The following THADA variants were observed in gnomAD, a reference collection of about 807,000 sequenced individuals.
The protein encoded by THADA is tRNA (32-2'-O)-methyltransferase regulator THADA.
THADA carries 213 observed loss-of-function variants against 219.8 expected under a neutral mutation model. That is an observed-to-expected ratio of 0.97 (90% confidence interval 0.87 to 1.09). The LOEUF (loss-of-function observed/expected upper bound fraction) is 1.09, where lower values mean the gene tolerates loss of function less well. Ranked by LOEUF, THADA falls within the 50% of genes least tolerant of loss-of-function variation. THADA has a pLI of 0.00. For missense variants in THADA, 2,956 were observed against 2,311.3 expected (o/e 1.28, Z -5.72); for synonymous variants, 1,018 against 828.9 (o/e 1.23, Z -3.92).
chr2:43,442,730 T>A (rs925126000), intron 26 of THADA, among the ~76,000 whole-genome samples: 2 of 152,176 alleles, frequency 1.3e-5, no homozygotes, highest in Non-Finnish European at 2.9e-5. Context: ...AGAAACATGG[T>A]GACCCCATGG....
At chr2:43,463,613 AAGCTATTTTGCTTACTGT>A (rs1683888920) in intron 26 of THADA, among the ~76,000 whole-genome samples, 1 of 152,232 alleles carries the variant, frequency 6.6e-6, no homozygotes, top group African/African-American at 2.4e-5. Context: ...CAGTGAACTT[AAGCTATTTTGCTTACTGT>A]TCTGGAATTT....
intron 29 of THADA, among the ~76,000 whole-genome samples, chr2:43,379,449 A>C (rs911236840): frequency 6.6e-6 from 1 of 152,214 alleles, no homozygotes; most frequent in African/African-American, 2.4e-5. Flanking sequence ...AAATGGATTA[A>C]GATAGCCTAC....
intron 26 of THADA, among the ~76,000 whole-genome samples, chr2:43,473,117 A>C (rs1227759865): frequency 6.6e-6 from 1 of 152,200 alleles, no homozygotes; most frequent in Non-Finnish European, 1.5e-5. Context: ...TCTATAGTAA[A>C]TTAATCTTAG....
intron 29 of THADA, among the ~76,000 whole-genome samples, chr2:43,361,540 C>T (rs1294457363): frequency 6.6e-6 from 1 of 152,222 alleles, no homozygotes; most frequent in African/African-American, 2.4e-5. Flanking sequence ...TTATCAGTAG[C>T]TTTCTTGACT....
intron 30 of THADA, among the ~76,000 whole-genome samples, chr2:43,341,994 T>C (rs939098802): frequency 9.8e-5 from 15 of 152,312 alleles, no homozygotes; most frequent in African/African-American, 3.6e-4. Context: ...GTGGATCACC[T>C]GAGCTCAGGA....
intron 28 of THADA, among the ~76,000 whole-genome samples, chr2:43,416,557 A>C (rs1042686147): frequency 6.6e-6 from 1 of 152,200 alleles, no homozygotes; most frequent in African/African-American, 2.4e-5. Flanking sequence ...AGAGTTTTCA[A>C]CTAAAGTAGA....
chr2:43,566,908 G>A (rs184673663), intron 14 of THADA, 87 bp from the exon 15 acceptor site: 3 of 915,164 alleles, frequency 3.3e-6, no homozygotes, highest in East Asian at 6.3e-5. Flanking sequence ...AAGAGTGGGT[G>A]TTTTTGTTTT....
At chr2:43,345,720 C>G (rs1018489702) in intron 29 of THADA, among the ~76,000 whole-genome samples, 1 of 152,182 alleles carries the variant, frequency 6.6e-6, no homozygotes, top group African/African-American at 2.4e-5. Context: ...TTCTCTACAG[C>G]TGCACAAAAC....
In THADA at chr2:43,574,678, C is replaced by G. The variant is rs879006430; in HGVS notation, c.1387G>C (p.Glu463Gln). ...AAAATATGTTCAACTCCTATGCACT[C>G]TACCAAACAACCAAGGCACGTGTAC... ...GKYTCLGCLV[E>Q]CIGVEHILAI... The change falls in exon 11 of 38, where the codon GAG (glutamate) becomes CAG (glutamine). Residue 463 changes from glutamate to glutamine, a missense_variant. Glu to Gln is a conservative substitution (Grantham distance 29). Coordinates refer to ENST00000405975, the MANE Select transcript of THADA (RefSeq NM_022065.5). 1.2e-6 allele frequency: 2 copies of G among 1,614,016 alleles called. No homozygotes were observed. The highest frequency in any genetic ancestry group is 1.1e-5 in the South Asian group (1 of 91,082).
chr2:43,290,979 G>C (rs1397805392), intron 34 of THADA, among the ~76,000 whole-genome samples: 1 of 152,008 alleles, frequency 6.6e-6, no homozygotes, highest in African/African-American at 2.4e-5. Flanking sequence ...TTAAGCCTTA[G>C]CGATGTATTT....
intron 26 of THADA, among the ~76,000 whole-genome samples, chr2:43,471,825 GTTGGTTTTTGTT>G (rs1441111537): frequency 6.6e-6 from 1 of 152,142 alleles, no homozygotes; most frequent in African/African-American, 2.4e-5. Flanking sequence ...TTTTGTGCCT[GTTGGTTTTTGTT>G]TTGTTTCATT....
chr2:43,483,248 C>T (rs566277895), intron 26 of THADA, among the ~76,000 whole-genome samples: 22 of 152,214 alleles, frequency 1.4e-4, no homozygotes, highest in Admixed American at 6.5e-4. Context: ...GTGCCCATTA[C>T]GTACCCAGAA....
chr2:43,515,832 A>G (rs1366930722), intron 22 of THADA, among the ~76,000 whole-genome samples: 2 of 152,136 alleles, frequency 1.3e-5, no homozygotes, highest in Non-Finnish European at 2.9e-5. Context: ...AAGAAATTCT[A>G]AAGGATGTAC....
intron 22 of THADA, among the ~76,000 whole-genome samples, chr2:43,514,334 T>G (rs900764240): frequency 6.7e-6 from 1 of 149,978 alleles, no homozygotes; most frequent in African/African-American, 2.4e-5. Context: ...GCCTGTAGTC[T>G]CAGCTACTTG....
chr2:43,249,152 A>G (rs778671844), intron 36 of THADA, among the ~76,000 whole-genome samples: 1 of 151,686 alleles, frequency 6.6e-6, no homozygotes, highest in African/African-American at 2.4e-5. Context: ...CAGTGGTGCA[A>G]TCATGGCTCA....
intron 29 of THADA, among the ~76,000 whole-genome samples, chr2:43,376,782 T>C (rs1287166057): frequency 6.6e-6 from 1 of 152,154 alleles, no homozygotes; most frequent in Non-Finnish European, 1.5e-5. Flanking sequence ...GACTAGAAAG[T>C]AGGGTGGCCT....
chr2:43,522,280 G>T (rs1692587799), intron 22 of THADA, among the ~76,000 whole-genome samples: 1 of 152,170 alleles, frequency 6.6e-6, no homozygotes, highest in African/African-American at 2.4e-5. Context: ...TACATATCAA[G>T]AGAAGCCATC....
At chr2:43,446,886 A>T (rs1310737338) in intron 26 of THADA, among the ~76,000 whole-genome samples, 1 of 152,246 alleles carries the variant, frequency 6.6e-6, no homozygotes, top group Non-Finnish European at 1.5e-5. Context: ...TCAAAGTGTC[A>T]GCAAGGTACC....
rs1044917987 is a variant in THADA, at chr2:43,306,147, A to T, written c.4439-12934T>A. Among the ~76,000 whole-genome samples, 43 of 152,000 alleles carry T rather than the reference A, an allele frequency of 2.8e-4. 1 individual carries two copies. The highest frequency in any genetic ancestry group is 2.2e-3 in the Admixed American group (33 of 15,260). ...TCAGCCTCAGTCCCAGGGAGCTGTG[A>T]CTACAGGCACGAGCCCCCATGCCTG... is the stretch of plus-strand genomic sequence containing the variant. On this transcript the variant is annotated intron_variant, in intron 31 of 37. Coordinates refer to ENST00000405975, the MANE Select transcript of THADA (RefSeq NM_022065.5).
Sources: allele counts gnomAD v4.1 joint callset (sites outside exome capture counted in the v4.1 genomes callset), GRCh38; gene constraint gnomAD v4.1.1; transcripts MANE v1.5; gene names NCBI Gene and HGNC (gene_info 2026-07-23, HGNC 2026-07-21).